Variants in AGBL1 observed in about 807,000 individuals in gnomAD.
AGBL1 encodes the protein AGBL carboxypeptidase 1.
AGBL1 carries 130 observed loss-of-function variants against 118.9 expected under a neutral mutation model. That is an observed-to-expected ratio of 1.09 (90% CI 0.95 to 1.26). The LOEUF is 1.26. Ranked by LOEUF, AGBL1 falls within the 50% of genes most tolerant of loss-of-function variation. The probability of loss-of-function intolerance (pLI) is 0.00; values close to 1 mark genes in which losing one functional copy is unlikely to be tolerated. For synonymous variants in AGBL1, 555 were observed against 478.9 expected, an observed-to-expected ratio of 1.16 and a Z score of -2.08; for missense variants, 1,584 against 1,298.1, an observed-to-expected ratio of 1.22 and a Z score of -3.38.
intron 23 of AGBL1, among the ~76,000 whole-genome samples, chr15:86,939,486 G>C (rs1377987375): frequency 1.3e-5 from 2 of 152,174 alleles, no homozygotes; most frequent in Non-Finnish European, 1.5e-5. Flanking sequence ...TTGAGATTTT[G>C]GGACTCAGAC....
intron 18 of AGBL1, among the ~76,000 whole-genome samples, chr15:86,465,052 G>T (rs2082385504): frequency 6.6e-6 from 1 of 151,984 alleles, no homozygotes. Context: ...ATCAAATGTA[G>T]GTTTTGTTGT....
intron 17 of AGBL1, among the ~76,000 whole-genome samples, chr15:86,344,577 G>C (rs960500178): frequency 6.6e-6 from 1 of 151,782 alleles, no homozygotes; most frequent in African/African-American, 2.4e-5. Context: ...TGAGGTTGAT[G>C]GTCCTGGGTT....
intron 1 of AGBL1, among the ~76,000 whole-genome samples, chr15:86,091,433 C>T (rs1421807282): frequency 2.0e-5 from 3 of 152,192 alleles, no homozygotes; most frequent in Admixed American, 2.0e-4. Flanking sequence ...CTCCAAGTCT[C>T]TTGGGGAAGA....
At position 86,591,304 on chromosome 15, in the gene AGBL1, C is replaced by T. The variant is rs2084331240; in HGVS notation, c.2994+36767C>T. Among the ~76,000 whole-genome samples the T allele has an allele frequency of 1.3e-5, 2 of 152,154 alleles. 1 individual carries two copies. The highest frequency in any genetic ancestry group is 4.1e-4 in the South Asian group (2 of 4,828). ...TAAGGGTTTTTCCACACACACCAAC[C>T]ACTGGACACCTGCTGGATGTCCTCT... On this transcript the variant is annotated intron_variant, in intron 21 of 22. Transcript: ENST00000614907.
In AGBL1 at chr15:86,826,381, A is replaced by G. The variant is rs142199074; in HGVS notation, c.3159-80706A>G. ...GAAGAATATTGAGAATGAAGTCAGA[A>G]GAGTCGGGGCAATGGAAATATTAGA... On this transcript the variant is annotated intron_variant, in intron 22 of 22. Coordinates refer to ENST00000614907, the MANE Select transcript of AGBL1 (RefSeq NM_001386094.1). Among the ~76,000 whole-genome samples, 5 of 152,284 alleles carry G rather than the reference A, an allele frequency of 3.3e-5. No individual in the cohort carries two copies. The East Asian group carries it at 9.7e-4, about 29-fold the overall frequency.
chr15:86,712,086 A>T (rs11636358), intron 22 of AGBL1, among the ~76,000 whole-genome samples: 47,601 of 151,898 alleles, frequency 0.31, 7,513 homozygotes, highest in Admixed American at 0.37. Flanking sequence ...CTCCACCTCA[A>T]CCTTTCTGAC....
chr15:86,589,956 T>C (rs1470895033), intron 21 of AGBL1, among the ~76,000 whole-genome samples: 1 of 152,186 alleles, frequency 6.6e-6, no homozygotes, highest in African/African-American at 2.4e-5. Context: ...CTTACATATG[T>C]AGGGGCAAAG....
At chr15:86,415,084 G>C (rs1271127791) in intron 18 of AGBL1, among the ~76,000 whole-genome samples, 1 of 152,196 alleles carries the variant, frequency 6.6e-6, no homozygotes, top group African/African-American at 2.4e-5. Flanking sequence ...GAAGGCCTCA[G>C]ATGATCAGTG....
chr15:86,186,082 A>C (rs2077628298), intron 5 of AGBL1, among the ~76,000 whole-genome samples: 1 of 152,198 alleles, frequency 6.6e-6, no homozygotes, highest in Non-Finnish European at 1.5e-5. Flanking sequence ...AATTCATTCA[A>C]ATCTTTGGGA....
chr15:86,221,093 G>A (rs1048646457), intron 5 of AGBL1, among the ~76,000 whole-genome samples: 1 of 152,138 alleles, frequency 6.6e-6, no homozygotes, highest in Non-Finnish European at 1.5e-5. Context: ...AGCTACCTGG[G>A]AGGCTGAATC....
intron 21 of AGBL1, among the ~76,000 whole-genome samples, chr15:86,564,452 G>A (rs370612154): frequency 3.9e-5 from 6 of 152,134 alleles, no homozygotes; most frequent in African/African-American, 1.2e-4. Flanking sequence ...AATGTTGAAT[G>A]TTGGCCCCCA....
chr15:86,962,646 C>T (rs2081004519), intron 23 of AGBL1, among the ~76,000 whole-genome samples: 1 of 151,990 alleles, frequency 6.6e-6, no homozygotes, highest in Non-Finnish European at 1.5e-5. Context: ...ATAAGATTTA[C>T]ACCAGAAGAT....
chr15:86,770,704 G>A (rs911756566), intron 22 of AGBL1, among the ~76,000 whole-genome samples: 1 of 151,952 alleles, frequency 6.6e-6, no homozygotes, highest in Admixed American at 6.6e-5. Context: ...TATCGTAGGA[G>A]CAAGCTCCCT....
chr15:86,097,987 T>C (rs1896486839), intron 1 of AGBL1, among the ~76,000 whole-genome samples: 1 of 152,124 alleles, frequency 6.6e-6, no homozygotes, highest in Non-Finnish European at 1.5e-5. Context: ...CTGATAGTTT[T>C]TGTCTTTTTA....
chr15:86,585,089 A>G (rs747367793), intron 21 of AGBL1, among the ~76,000 whole-genome samples: 5 of 152,130 alleles, frequency 3.3e-5, no homozygotes, highest in African/African-American at 9.7e-5. Context: ...TTGGTGGAGT[A>G]TTTAGGGTTT....
intron 18 of AGBL1, among the ~76,000 whole-genome samples, chr15:86,518,007 C>T (rs988545957): frequency 4.9e-4 from 74 of 152,216 alleles, no homozygotes; most frequent in Non-Finnish European, 4.0e-4. Context: ...CTCAAACATG[C>T]TGCCTCTCTT....
In AGBL1 at chr15:86,127,543, CCACGTGGCCGAGGG is replaced by C. The variant is rs536600593; in HGVS notation, c.52-14453_52-14440del. Reference sequence around the variant, plus strand: ...AAAGATGGCATCCACCAAAAGCAGGCCACGTGGCCGAGGGCACGTGGGAAATCATACCTCTTGGG... The same window carrying C: ...AAAGATGGCATCCACCAAAAGCAGGCCACGTGGGAAATCATACCTCTTGGG... On this transcript the variant is annotated intron_variant, in intron 1 of 22. Coordinates refer to ENST00000614907, the MANE Select transcript of AGBL1 (RefSeq NM_001386094.1). Among the ~76,000 whole-genome samples, 455 of 152,218 alleles carry C rather than the reference CCACGTGGCCGAGGG, an allele frequency of 3.0e-3. 1 individual carries two copies. The highest frequency in any genetic ancestry group is 0.011 in the African/African-American group (440 of 41,556).
At chr15:86,616,339 C>CAAAAAAAAAAAAAAAAAA (rs199936794) in intron 21 of AGBL1, among the ~76,000 whole-genome samples, 19 of 49,288 alleles carry the variant, frequency 3.9e-4, no homozygotes, top group African/African-American at 1.3e-3. Context: ...TCCTCCACTT[C>CAAAAAAAAAAAAAAAAAA]AAAAAAAAAA....
chr15:86,216,483 T>G (rs1162815037), intron 5 of AGBL1, among the ~76,000 whole-genome samples: 1 of 152,240 alleles, frequency 6.6e-6, no homozygotes, highest in Non-Finnish European at 1.5e-5. Context: ...TGATGGATTT[T>G]ATCAAATACT....
Sources: allele counts gnomAD v4.1 joint callset (sites outside exome capture counted in the v4.1 genomes callset), GRCh38; gene constraint gnomAD v4.1.1; transcripts MANE v1.5; gene names NCBI Gene and HGNC (gene_info 2026-07-23, HGNC 2026-07-21).